The following NECTIN1 variants were observed in gnomAD, a reference collection of about 807,000 sequenced individuals.
The protein encoded by NECTIN1 is nectin cell adhesion molecule 1.
Under a neutral mutation model 48.0 loss-of-function variants are expected in NECTIN1, and 23 were observed. The observed-to-expected ratio is 0.48, with a 90% CI of 0.34 to 0.68. NECTIN1 has a LOEUF of 0.68. NECTIN1 is among the 30% of genes least tolerant of loss of function. The pLI, the probability that NECTIN1 is intolerant of heterozygous loss-of-function variation, is 0.01. For missense variants in NECTIN1, 591 were observed against 709.9 expected (o/e 0.83, Z 1.90); for synonymous variants, 270 against 288.9 (o/e 0.93, Z 0.66).
Position 119,673,159 on chromosome 11 carries a change from C to T in NECTIN1, c.1003+2000G>A, listed in dbSNP as rs1193518265. Among the ~76,000 whole-genome samples, 10 of 152,262 alleles carry T rather than the reference C, an allele frequency of 6.6e-5. No homozygotes were observed. The highest frequency in any genetic ancestry group is 3.9e-4 in the East Asian group (2 of 5,182). On this transcript the variant is annotated intron_variant, in intron 5 of 5. Coordinates refer to ENST00000264025, the MANE Select transcript of NECTIN1 (RefSeq NM_002855.5). The surrounding 1 kb of genome is among the most constrained non-coding windows in gnomAD (Gnocchi z 5.8). Reference sequence around the variant, plus strand: ...AGAGAATGTGGCAGGCACGGGCCGACGTGGAATGGAGGGTGGTGAGGTCAG... The same window carrying T: ...AGAGAATGTGGCAGGCACGGGCCGATGTGGAATGGAGGGTGGTGAGGTCAG...
chr11:119,704,164 C>A (rs7481156), intron 1 of NECTIN1, among the ~76,000 whole-genome samples: 1 of 152,134 alleles, frequency 6.6e-6, no homozygotes, highest in Non-Finnish European at 1.5e-5. Flanking sequence ...CACGAACCTG[C>A]GGGCAGGGGC....
chr11:119,649,421 C>T (rs1181864102), intron 5 of NECTIN1, among the ~76,000 whole-genome samples: 2 of 150,650 alleles, frequency 1.3e-5, no homozygotes, highest in East Asian at 2.0e-4. Context: ...GGTGCAGTGG[C>T]TCACGCCTGT....
At chr11:119,721,003 T>C (rs926590408) in intron 1 of NECTIN1, among the ~76,000 whole-genome samples, 3 of 152,166 alleles carry the variant, frequency 2.0e-5, no homozygotes, top group Admixed American at 6.5e-5. Flanking sequence ...CCCAACTCCC[T>C]ACATTTGCTT....
intron 4 of NECTIN1, 102 bp downstream of exon 4, chr11:119,676,999 TC>T: frequency 1.0e-6 from 1 of 999,420 alleles, no homozygotes; most frequent in Non-Finnish European, 1.6e-6. Context: ...GACCCTAATT[TC>T]TTCCCTGCCT....
chr11:119,672,610 C>T lies in NECTIN1; in HGVS notation c.1003+2549G>A, dbSNP rs1024582168. 5.3e-5 allele frequency among the ~76,000 whole-genome samples: 8 copies of T among 152,206 alleles called. No individual in the cohort carries two copies. The highest frequency in any genetic ancestry group is 1.7e-4 in the African/African-American group (7 of 41,444). ...AACGGGTGTGCCGGTGCCATCCACA[C>T]AGCCCCCTGAATGCTCAGTCTAACC... On this transcript the variant is annotated intron_variant, in intron 5 of 5. Transcript: ENST00000264025. This position sits in a 1 kb window ranked among gnomAD's most constrained non-coding sequence, Gnocchi z 4.3.
intron 5 of NECTIN1, among the ~76,000 whole-genome samples, chr11:119,644,099 C>T (rs1591436136): frequency 1.3e-5 from 2 of 152,342 alleles, no homozygotes; most frequent in East Asian, 1.9e-4. Context: ...TCCTGGCTCA[C>T]GCCGCAAGGA....
Position 119,663,251 on chromosome 11 carries a change from G to C in NECTIN1, c.*1496C>G. 1.0e-6 allele frequency: 1 copy of C among 985,582 alleles called. No individual in the cohort carries two copies. Among genetic ancestry groups the C allele is most frequent in the Non-Finnish European group, 1.2e-6 (1 of 830,026 alleles). 61.1% of individuals were successfully genotyped at this position (985,582 alleles called of 1,614,324 possible). A position where few individuals can be genotyped will look rare whatever the true frequency, so the allele number is the denominator to read the frequency against. ...ATGGGCATGCCTGTCTAGAGTGCCA[G>C]GGGATCTGGGAGCAGATGGAGGAAC... On this transcript the variant is annotated 3_prime_UTR_variant, in exon 6 of 6. Transcript: ENST00000264025.
rs1865549432 is a variant in NECTIN1 at position 119,706,413 on chromosome 11, C to T, written c.79+22062G>A. 2.6e-5 allele frequency among the ~76,000 whole-genome samples: 4 copies of T among 152,126 alleles called. No homozygotes were observed. The South Asian group carries it at 8.3e-4, about 32-fold the overall frequency. The stretch of plus-strand genomic sequence containing the variant: ...AAAGCTTTGGGCCCACCCCAACTCA[C>T]CCCCCAGCGCCAGGAAGGACCCATT... On this transcript the variant is annotated intron_variant, in intron 1 of 5. Transcript: ENST00000264025.
chr11:119,667,329 T>C (rs1157000390), intron 5 of NECTIN1, among the ~76,000 whole-genome samples: 1 of 150,946 alleles, frequency 6.6e-6, no homozygotes. Flanking sequence ...CTCTCCTGTC[T>C]ACACCTGCCT....
At chr11:119,644,828 G>A (rs570527633) in intron 5 of NECTIN1, among the ~76,000 whole-genome samples, 27 of 152,208 alleles carry the variant, frequency 1.8e-4, no homozygotes, top group African/African-American at 6.3e-4. Context: ...GAAATGGGCT[G>A]CAAAGGGAGA....
At chr11:119,657,062 T>C (rs1177037281), downstream of NECTIN1, among the ~76,000 whole-genome samples, 1 of 152,192 alleles carries the variant, frequency 6.6e-6, no homozygotes, top group African/African-American at 2.4e-5. Context: ...GTGACCTCCA[T>C]TGCAGTCACT....
chr11:119,651,777 G>A (rs752521240), intron 5 of NECTIN1, among the ~76,000 whole-genome samples: 23 of 152,118 alleles, frequency 1.5e-4, no homozygotes, highest in African/African-American at 4.1e-4. Flanking sequence ...AGTGGGGTGC[G>A]GTGATTCATC....
chr11:119,692,402 G>A (rs550714517), intron 1 of NECTIN1, among the ~76,000 whole-genome samples: 113 of 150,040 alleles, frequency 7.5e-4, no homozygotes, highest in Non-Finnish European at 1.4e-3. Context: ...GAAGTGGCTT[G>A]TGGCAGTGAT....
chr11:119,714,406 G>A lies in NECTIN1; in HGVS notation c.79+14069C>T, dbSNP rs980517929. Among the ~76,000 whole-genome samples, 78 of 152,174 alleles carry A rather than the reference G, an allele frequency of 5.1e-4. 1 individual carries two copies. The highest frequency in any genetic ancestry group is 2.4e-4 in the Non-Finnish European group (16 of 68,010). ...CAACAGGTGACACGGGAGGCTGCCAGGTCACCCCACCTGCAGGATCCCTGT... is the reference window on the plus strand; with the variant it reads ...CAACAGGTGACACGGGAGGCTGCCAAGTCACCCCACCTGCAGGATCCCTGT... On this transcript the variant is annotated intron_variant, in intron 1 of 5. Coordinates refer to ENST00000264025, the MANE Select transcript of NECTIN1 (RefSeq NM_002855.5).
chr11:119,726,651 T>A (rs1386945438), intron 1 of NECTIN1, among the ~76,000 whole-genome samples: 1 of 152,064 alleles, frequency 6.6e-6, no homozygotes, highest in African/African-American at 2.4e-5. Flanking sequence ...GAATTAACCA[T>A]GAAGGAATCA....
rs1368982976 is a variant in NECTIN1 at position 119,727,488 on chromosome 11, T to C, written c.79+987A>G. ...CCCACACCCCTTGACCCACGCTTGG[T>C]GTCCAGTCAGCCGGCGAGCTCGGCA... is the stretch of plus-strand genomic sequence containing the variant. On this transcript the variant is annotated intron_variant, in intron 1 of 5. Transcript: ENST00000264025. The surrounding 1 kb of genome is among the most constrained non-coding windows in gnomAD (Gnocchi z 4.1). Among the ~76,000 whole-genome samples, 1 of 152,152 alleles carries C rather than the reference T, an allele frequency of 6.6e-6. No individual in the cohort carries two copies. The highest frequency in any genetic ancestry group is 1.5e-5 in the Non-Finnish European group (1 of 68,004).
intron 4 of NECTIN1, chr11:119,676,755 C>G (rs1184367272): frequency 2.7e-6 from 1 of 369,132 alleles, no homozygotes; most frequent in Non-Finnish European, 5.2e-6. Context: ...CTGGGGACAC[C>G]TTGATAAAAA....
chr11:119,655,153 C>T (rs1375392830), intron 5 of NECTIN1, among the ~76,000 whole-genome samples: 1 of 150,786 alleles, frequency 6.6e-6, no homozygotes, highest in Admixed American at 6.6e-5. Flanking sequence ...TCAGGTGATC[C>T]ACCCACCTCG....
Position 119,661,264 on chromosome 11 carries a change from A to G in NECTIN1, c.*3483T>C. On this transcript the variant is annotated 3_prime_UTR_variant, in exon 6 of 6. Coordinates refer to ENST00000264025, the MANE Select transcript of NECTIN1 (RefSeq NM_002855.5). ...AAAGGAAAACCAATTTTTTCGACCA[A>G]GAATCCCATTCCTCACAGCAGGGGT... 1 of 985,900 alleles carries G rather than the reference A, an allele frequency of 1.0e-6. No homozygotes were observed. Among genetic ancestry groups the G allele is most frequent in the Non-Finnish European group, 1.2e-6 (1 of 829,946 alleles). The allele number at this position is 985,900 out of a possible 1,614,324, so 61.1% of individuals were successfully genotyped here.
Sources: allele counts gnomAD v4.1 joint callset (sites outside exome capture counted in the v4.1 genomes callset), GRCh38; gene constraint gnomAD v4.1.1; non-coding constraint Gnocchi (gnomAD v3.1); transcripts MANE v1.5; gene names NCBI Gene and HGNC (gene_info 2026-07-23, HGNC 2026-07-21).